Variants in AKNAD1 observed in about 807,000 individuals in gnomAD.
The protein encoded by AKNAD1 is AKNA domain containing 1.
In AKNAD1, 67 loss-of-function variants were observed where a neutral mutation model predicts 90.8. That is an observed-to-expected ratio of 0.74 (90% CI 0.61 to 0.90). The LOEUF is 0.90. Among genes scored for constraint, AKNAD1 ranks in the 40% least tolerant of loss-of-function variants. The probability of loss-of-function intolerance (pLI) is 0.00; values close to 1 mark genes in which losing one functional copy is unlikely to be tolerated. For synonymous variants in AKNAD1, 327 were observed against 341.4 expected (o/e 0.96, Z 0.46); for missense variants, 957 against 975.4 (o/e 0.98, Z 0.25).
intron 10 of AKNAD1, among the ~76,000 whole-genome samples, chr1:108,827,904 C>A (rs984875946): frequency 1.3e-5 from 2 of 151,284 alleles, no homozygotes; most frequent in Non-Finnish European, 2.9e-5. Context: ...TACACATTCA[C>A]AAAACACATT....
In AKNAD1 at chr1:108,852,294, CT is replaced by C. The variant is rs768520387; in HGVS notation, c.370del (p.Arg124GlufsTer74). 2.5e-6 allele frequency: 4 copies of C among 1,614,150 alleles called. No homozygotes were observed. Among genetic ancestry groups the C allele is most frequent in the Non-Finnish European group, 3.4e-6 (4 of 1,180,032 alleles). ...LHHLSKEPFL[R>X]GQGIDCETLP... ...GGTTTCACAATCAATGCCTTGACCT[CT>C]TAAGAATGGCTCTTTGGAAAGATGA... On this transcript the variant is annotated frameshift_variant, in exon 2 of 16. Coordinates refer to ENST00000370001, the MANE Select transcript of AKNAD1 (RefSeq NM_152763.5). LOFTEE classifies it high-confidence loss of function.
At chr1:108,827,978 A>AT (rs1664066031) in intron 10 of AKNAD1, among the ~76,000 whole-genome samples, 1 of 149,448 alleles carries the variant, frequency 6.7e-6, no homozygotes, top group Non-Finnish European at 1.5e-5. Flanking sequence ...CAGGCTGGGT[A>AT]TGGTGGCTCA....
At chr1:108,849,599 A>T in intron 2 of AKNAD1, 23 bp from the exon 3 acceptor site, 1 of 1,563,302 alleles carries the variant, frequency 6.4e-7, no homozygotes, top group Non-Finnish European at 8.8e-7. Flanking sequence ...AGGGTAAGAA[A>T]ACGTTACTGT....
intron 11 of AKNAD1, among the ~76,000 whole-genome samples, chr1:108,825,782 G>T (rs1338524): frequency 6.6e-6 from 1 of 151,070 alleles, no homozygotes; most frequent in Non-Finnish European, 1.5e-5. Flanking sequence ...TAAACTGAGA[G>T]GTTTAAAAGA....
intron 10 of AKNAD1, among the ~76,000 whole-genome samples, chr1:108,829,655 G>A (rs1218859298): frequency 6.6e-6 from 1 of 152,154 alleles, no homozygotes. Context: ...ACACTCATTA[G>A]AACTCTTAAG....
chr1:108,827,080 A>G, intron 11 of AKNAD1, 125 bp downstream of exon 11: 2 of 706,668 alleles, frequency 2.8e-6, no homozygotes, highest in African/African-American at 1.8e-5. Flanking sequence ...TAAATACAAC[A>G]TGCAACATCC....
At chr1:108,847,166 G>A (rs530581150) in intron 5 of AKNAD1, among the ~76,000 whole-genome samples, 2 of 152,248 alleles carry the variant, frequency 1.3e-5, no homozygotes, top group South Asian at 4.1e-4. Context: ...CTTCAATGCA[G>A]CCAGGTGCAG....
At chr1:108,853,697 G>A (rs1664941121) in intron 1 of AKNAD1, among the ~76,000 whole-genome samples, 1 of 152,018 alleles carries the variant, frequency 6.6e-6, no homozygotes, top group Non-Finnish European at 1.5e-5. Context: ...ACTTTGGGAG[G>A]CTGAGGCAAG....
rs117660959 is a variant in AKNAD1, at chr1:108,835,375, T to G, written c.1537-319A>C. Reference sequence around the variant, plus strand: ...AATGTACTCACTGTGAGCCAGGCCCTATTTTCAGTACGTTACTTATATTAA... The same window carrying G: ...AATGTACTCACTGTGAGCCAGGCCCGATTTTCAGTACGTTACTTATATTAA... On this transcript the variant is annotated intron_variant, in intron 7 of 15. Coordinates refer to ENST00000370001, the MANE Select transcript of AKNAD1 (RefSeq NM_152763.5). 1.2e-4 allele frequency among the ~76,000 whole-genome samples: 18 copies of G among 152,334 alleles called. No homozygotes were observed. In the East Asian group the frequency reaches 3.5e-3, roughly 29 times the overall value.
Position 108,846,117 on chromosome 1 carries a change from G to A in AKNAD1, c.1245+2635C>T, listed in dbSNP as rs150186451. On this transcript the variant is annotated intron_variant, in intron 5 of 15. Transcript: ENST00000370001. ...TACAGTTGTGTAACCAATAAGTAGA[G>A]GCACGACATCCGCTCCAAAATCCAA... Among the ~76,000 whole-genome samples the A allele has an allele frequency of 9.8e-4, 149 of 152,296 alleles. 1 individual carries two copies. In the East Asian group the frequency reaches 0.026, roughly 27 times the overall value.
intron 11 of AKNAD1, among the ~76,000 whole-genome samples, chr1:108,826,334 T>C (rs1437591526): frequency 6.6e-6 from 1 of 151,604 alleles, no homozygotes; most frequent in Non-Finnish European, 1.5e-5. Flanking sequence ...TAGGTTAGGC[T>C]CAGAGGTGAT....
intron 7 of AKNAD1, chr1:108,836,665 C>T (rs1029652808): frequency 6.6e-6 from 1 of 152,214 alleles, no homozygotes; most frequent in African/African-American, 2.4e-5. Context: ...ACAAAATCCT[C>T]ATTCAAGTTT....
intron 11 of AKNAD1, among the ~76,000 whole-genome samples, chr1:108,824,231 C>A (rs769900488): frequency 3.9e-5 from 6 of 152,180 alleles, no homozygotes; most frequent in Non-Finnish European, 8.8e-5. Flanking sequence ...AGGTCTAGAA[C>A]CTGTCTGGCA....
chr1:108,828,206 A>G (rs1460926309), intron 10 of AKNAD1, among the ~76,000 whole-genome samples: 1 of 151,800 alleles, frequency 6.6e-6, no homozygotes, highest in Non-Finnish European at 1.5e-5. Context: ...ATTACATCCA[A>G]CAACTCCAGC....
rs918974480 is a variant in AKNAD1 at position 108,833,849 on chromosome 1, C to A, written c.1746+598G>T. Among the ~76,000 whole-genome samples, 3 of 151,884 alleles carry A rather than the reference C, an allele frequency of 2.0e-5. No homozygotes were observed. In the East Asian group the frequency reaches 5.8e-4, roughly 29 times the overall value. On this transcript the variant is annotated intron_variant, in intron 9 of 15. Coordinates refer to ENST00000370001, the MANE Select transcript of AKNAD1 (RefSeq NM_152763.5). ...TGCCCCTCCACCTGAGTTGGAGACC[C>A]GGGCATCACCTATCATTTACCCTGA...
intron 14 of AKNAD1, 175 bp from the exon 15 acceptor site, chr1:108,817,352 AG>A: frequency 1.5e-6 from 1 of 667,132 alleles, no homozygotes. Flanking sequence ...GCTGGGCTTC[AG>A]AAAATGGTTG....
At chr1:108,847,722 G>T (rs1344219167) in intron 5 of AKNAD1, among the ~76,000 whole-genome samples, 1 of 152,068 alleles carries the variant, frequency 6.6e-6, no homozygotes, top group Admixed American at 6.5e-5. Flanking sequence ...TATTCCTTCT[G>T]CAACACCCAG....
upstream of AKNAD1, chr1:108,858,077 G>T (rs1184132629): frequency 6.6e-6 from 1 of 152,616 alleles, no homozygotes; most frequent in Non-Finnish European, 1.5e-5. Context: ...GGAGTCTCTG[G>T]ATATCACAGG....
rs920155417 is a variant in AKNAD1 at position 108,832,265 on chromosome 1, G to A, written c.1747-1615C>T. Among the ~76,000 whole-genome samples, 10 of 145,000 alleles carry A rather than the reference G, an allele frequency of 6.9e-5. No homozygotes were observed. The Admixed American group carries it at 7.0e-4, about 10-fold the overall frequency. On this transcript the variant is annotated intron_variant, in intron 9 of 15. Coordinates refer to ENST00000370001, the MANE Select transcript of AKNAD1 (RefSeq NM_152763.5). The stretch of plus-strand genomic sequence containing the variant: ...GAGTTTCTCTGTGTTGCCCAGGCTG[G>A]AGTGCAGTGGCGCAATCTTGGCTCA...
Sources: gnomAD v4.1 joint callset for allele counts (sites outside exome capture counted in the v4.1 genomes callset) on GRCh38, gnomAD v4.1.1 for gene constraint, MANE v1.5 for transcripts, NCBI Gene and HGNC (gene_info 2026-07-23, HGNC 2026-07-21) for gene names.